Variants in DOCK10 observed in about 807,000 individuals in gnomAD.
DOCK10 encodes the protein dedicator of cytokinesis protein 10.
Under a neutral mutation model 280.1 loss-of-function variants are expected in DOCK10, and 145 were observed. The ratio of observed to expected loss-of-function variants is 0.52; its 90% CI spans 0.45 to 0.59. The LOEUF (loss-of-function observed/expected upper bound fraction) is 0.59. Among genes scored for constraint, DOCK10 ranks in the 20% least tolerant of loss-of-function variants. The pLI, the probability that DOCK10 is intolerant of heterozygous loss-of-function variation, is 0.00. For missense variants in DOCK10, 2,368 were observed against 2,651.7 expected (o/e 0.89, Z 2.35); for synonymous variants, 915 against 942.2 (o/e 0.97, Z 0.53).
At chr2:224,814,530 CT>C (rs911662198) in intron 30 of DOCK10, among the ~76,000 whole-genome samples, 166 bp from the exon 31 acceptor site, 4 of 150,812 alleles carry the variant, frequency 2.7e-5, no homozygotes, top group African/African-American at 4.9e-5. Context: ...TATTTGTTTC[CT>C]TTTTTTTTGA....
At chr2:224,790,729 C>A (rs1467075789) in intron 47 of DOCK10, among the ~76,000 whole-genome samples, 1 of 152,070 alleles carries the variant, frequency 6.6e-6, no homozygotes, top group East Asian at 1.9e-4. Context: ...CTTATTAGTA[C>A]AACTGAAGCA....
At chr2:224,825,482 T>C (rs978916329) in intron 27 of DOCK10, among the ~76,000 whole-genome samples, 1 of 152,236 alleles carries the variant, frequency 6.6e-6, no homozygotes, top group Non-Finnish European at 1.5e-5. Context: ...ACAATTCACC[T>C]ACAAAAAGCA....
intron 31 of DOCK10, among the ~76,000 whole-genome samples, chr2:224,811,447 C>A (rs1300571351): frequency 6.6e-6 from 1 of 152,122 alleles, no homozygotes; most frequent in Non-Finnish European, 1.5e-5. Flanking sequence ...CCTGTTGACT[C>A]TGATGGTAGT....
At chr2:225,007,961 T>A (rs1274618597) in intron 1 of DOCK10, among the ~76,000 whole-genome samples, 1 of 152,174 alleles carries the variant, frequency 6.6e-6, no homozygotes, top group African/African-American at 2.4e-5. Context: ...CTAATTTTTT[T>A]TTTTCAATGG....
chr2:224,966,895 G>GAA (rs60840288), intron 1 of DOCK10, among the ~76,000 whole-genome samples: 1 of 142,842 alleles, frequency 7.0e-6, no homozygotes, highest in African/African-American at 2.6e-5. Flanking sequence ...GTACTCAGAT[G>GAA]AAAAAAAAAA....
chr2:224,782,445 T>C (rs1039508738), intron 50 of DOCK10, among the ~76,000 whole-genome samples: 1 of 152,234 alleles, frequency 6.6e-6, no homozygotes. Flanking sequence ...AAGGACTTCA[T>C]TGATTATAGT....
At chr2:225,036,810 C>A (rs1690272035) in intron 1 of DOCK10, among the ~76,000 whole-genome samples, 1 of 152,042 alleles carries the variant, frequency 6.6e-6, no homozygotes. Flanking sequence ...CACCAAGAAG[C>A]ATTTTTAACA....
intron 1 of DOCK10, among the ~76,000 whole-genome samples, chr2:224,986,526 A>C (rs1705978192): frequency 6.6e-6 from 1 of 152,156 alleles, no homozygotes; most frequent in African/African-American, 2.4e-5. Flanking sequence ...GCTTCTAAGA[A>C]AGTAATAAGG....
chr2:225,013,561 G>C (rs1689503850), intron 1 of DOCK10, among the ~76,000 whole-genome samples: 1 of 152,156 alleles, frequency 6.6e-6, no homozygotes, highest in African/African-American at 2.4e-5. Flanking sequence ...TCCAACCAAA[G>C]TGAAGTGGAG....
chr2:224,896,245 T>G, intron 4 of DOCK10, 50 bp downstream of exon 4: 1 of 1,086,082 alleles, frequency 9.2e-7, no homozygotes, highest in Middle Eastern at 2.0e-4. Context: ...GAACAGAGGA[T>G]GTCATCTATA....
chr2:225,009,874 CT>C (rs1420706031), intron 1 of DOCK10, among the ~76,000 whole-genome samples: 4 of 152,150 alleles, frequency 2.6e-5, no homozygotes, highest in Non-Finnish European at 5.9e-5. Context: ...TAACAAGAGT[CT>C]TTGTGTTGCC....
intron 39 of DOCK10, among the ~76,000 whole-genome samples, chr2:224,803,824 T>C (rs1693175425): frequency 6.6e-6 from 1 of 152,178 alleles, no homozygotes; most frequent in African/African-American, 2.4e-5. Context: ...AAAATACTCA[T>C]TAATGTTCAG....
chr2:224,929,292 G>T (rs1305329962), intron 2 of DOCK10, among the ~76,000 whole-genome samples: 1 of 152,182 alleles, frequency 6.6e-6, no homozygotes, highest in Non-Finnish European at 1.5e-5. Context: ...GGTGATTTCT[G>T]TCTAATCACT....
intron 1 of DOCK10, among the ~76,000 whole-genome samples, chr2:225,027,435 TC>T (rs1418382755): frequency 6.6e-6 from 1 of 152,186 alleles, no homozygotes; most frequent in Non-Finnish European, 1.5e-5. Context: ...TGGATCTATG[TC>T]CCCACCCAAT....
intron 2 of DOCK10, among the ~76,000 whole-genome samples, chr2:224,922,471 GTA>G (rs1701817750): frequency 6.6e-6 from 1 of 152,170 alleles, no homozygotes; most frequent in East Asian, 1.9e-4. Context: ...TCCTTTGGTG[GTA>G]GGATTTCATA....
intron 50 of DOCK10, among the ~76,000 whole-genome samples, chr2:224,781,076 A>G (rs1026332153): frequency 7.2e-5 from 11 of 152,106 alleles, no homozygotes; most frequent in Admixed American, 3.9e-4. Context: ...TGAGGATGGT[A>G]ATGATCATGA....
chr2:224,880,587 G>C (rs1559642714), intron 7 of DOCK10, among the ~76,000 whole-genome samples: 1 of 152,072 alleles, frequency 6.6e-6, no homozygotes, highest in Non-Finnish European at 1.5e-5. Context: ...CAACTACTTT[G>C]TTCAGTCAAC....
At chr2:225,018,985 T>C (rs1689709696) in intron 1 of DOCK10, among the ~76,000 whole-genome samples, 1 of 150,004 alleles carries the variant, frequency 6.7e-6, no homozygotes, top group African/African-American at 2.5e-5. Context: ...TGTATACATA[T>C]ATAGATTTTT....
intron 1 of DOCK10, among the ~76,000 whole-genome samples, chr2:225,016,606 TAC>T (rs1689602637): frequency 1.9e-5 from 2 of 102,900 alleles, no homozygotes; most frequent in African/African-American, 3.3e-5. Flanking sequence ...TGCACATAGA[TAC>T]ATATATCTAT....
Sources: gnomAD v4.1 joint callset for allele counts (sites outside exome capture counted in the v4.1 genomes callset) on GRCh38, gnomAD v4.1.1 for gene constraint, MANE v1.5 for transcripts, NCBI Gene and HGNC (gene_info 2026-07-23, HGNC 2026-07-21) for gene names.